The following ERBIN variants were observed in gnomAD, a reference collection of about 807,000 sequenced individuals.
The protein encoded by ERBIN is densin-180-like protein.
ERBIN carries 60 observed loss-of-function variants against 158.4 expected under a neutral mutation model. The ratio of observed to expected loss-of-function variants is 0.38; its 90% CI spans 0.31 to 0.47. The LOEUF (loss-of-function observed/expected upper bound fraction) is 0.47. ERBIN is among the 20% of genes least tolerant of loss of function. The pLI is 0.99. For missense variants in ERBIN, 1,610 were observed against 1,648.0 expected (o/e 0.98, Z 0.40); for synonymous variants, 594 against 557.2 (o/e 1.07, Z -0.93).
chr5:65,980,723 A>G (rs1360771796), intron 1 of ERBIN, among the ~76,000 whole-genome samples: 7 of 143,562 alleles, frequency 4.9e-5, no homozygotes, highest in Non-Finnish European at 8.9e-5. Context: ...TACTAGCGGG[A>G]AAAAAAAAAC....
At chr5:66,028,478 A>G (rs945347377) in intron 14 of ERBIN, 135 bp downstream of exon 14, 39 of 480,830 alleles carry the variant, frequency 8.1e-5, no homozygotes, top group Non-Finnish European at 1.3e-4. Context: ...TATAAGAAAA[A>G]TCTCAAAATA....
At chr5:65,934,197 G>A (rs987969289) in intron 1 of ERBIN, among the ~76,000 whole-genome samples, 2 of 152,110 alleles carry the variant, frequency 1.3e-5, no homozygotes, top group East Asian at 1.9e-4. Context: ...CGCCCAGCCC[G>A]TCACCCCTAA....
intron 1 of ERBIN, among the ~76,000 whole-genome samples, chr5:65,950,227 G>A (rs1488407736): frequency 6.6e-6 from 1 of 151,268 alleles, no homozygotes; most frequent in African/African-American, 2.4e-5. Context: ...GGATGGTCTC[G>A]ATCTCCTGAC....
At chr5:66,050,108 T>C (rs1758866509) in intron 19 of ERBIN, among the ~76,000 whole-genome samples, 1 of 152,092 alleles carries the variant, frequency 6.6e-6, no homozygotes, top group African/African-American at 2.4e-5. Context: ...AGGTTGTAAA[T>C]GAATTTTCAT....
intron 4 of ERBIN, among the ~76,000 whole-genome samples, chr5:66,000,548 A>G (rs1306629499): frequency 6.6e-6 from 1 of 152,164 alleles, no homozygotes; most frequent in Non-Finnish European, 1.5e-5. Context: ...TTATGTGATC[A>G]AAAGATTTAG....
chr5:66,069,723 C>T (rs947332418), intron 21 of ERBIN, among the ~76,000 whole-genome samples: 14 of 152,118 alleles, frequency 9.2e-5, no homozygotes, highest in African/African-American at 2.9e-4. Context: ...TTCCTTCCGC[C>T]CCTCTCCTTC....
chr5:66,029,727 CCCGAGTAGCTGGGA>C (rs1274945340), intron 14 of ERBIN, among the ~76,000 whole-genome samples: 2 of 152,120 alleles, frequency 1.3e-5, no homozygotes, highest in African/African-American at 4.8e-5. Context: ...GCCTCAGCCT[CCCGAGTAGCTGGGA>C]CTACAGGCAT....
At chr5:66,030,281 A>G (rs1235266504) in intron 14 of ERBIN, among the ~76,000 whole-genome samples, 2 of 151,908 alleles carry the variant, frequency 1.3e-5, no homozygotes, top group Non-Finnish European at 2.9e-5. Flanking sequence ...ACCTCAGGTA[A>G]TCCGCCTGCT....
chr5:65,933,830 G>A (rs535390934), intron 1 of ERBIN, among the ~76,000 whole-genome samples: 1 of 152,038 alleles, frequency 6.6e-6, no homozygotes. Flanking sequence ...CTGACATATG[G>A]AAAAGTTTGA....
intron 1 of ERBIN, among the ~76,000 whole-genome samples, chr5:65,930,453 G>A (rs970545925): frequency 1.3e-5 from 2 of 151,784 alleles, no homozygotes; most frequent in African/African-American, 4.8e-5. Flanking sequence ...GACTAGAGGC[G>A]CCCGCCACTG....
intron 5 of ERBIN, among the ~76,000 whole-genome samples, chr5:66,013,147 A>C (rs1365645746): frequency 6.6e-6 from 1 of 152,208 alleles, no homozygotes; most frequent in Non-Finnish European, 1.5e-5. Context: ...ACAAAGAATT[A>C]TTCAGCCCAA....
chr5:65,973,431 A>C (rs1171639285), intron 1 of ERBIN, among the ~76,000 whole-genome samples: 1 of 150,630 alleles, frequency 6.6e-6, no homozygotes, highest in South Asian at 2.1e-4. Context: ...TAAATTAAAA[A>C]AAAGAAATTA....
chr5:65,965,382 G>GTTTTT lies in ERBIN; in HGVS notation c.-57-23216_-57-23212dup, dbSNP rs200847060. On this transcript the variant is annotated intron_variant, in intron 1 of 25. Coordinates refer to ENST00000284037, the MANE Select transcript of ERBIN (RefSeq NM_001253697.2). ...GTTCTTACCAGATTTGTTTTTTGTT[G>GTTTTT]TTTTTTTTTTTTTTTTTTTTTTTTT... Among the ~76,000 whole-genome samples, 92 of 96,030 alleles carry GTTTTT rather than the reference G, an allele frequency of 9.6e-4. 4 individuals carry two copies. The highest frequency in any genetic ancestry group is 1.8e-3 in the East Asian group (5 of 2,810). The allele number at this position is 96,030 out of a possible 152,430, so 63.0% of individuals were successfully genotyped here. A position where few individuals can be genotyped will look rare whatever the true frequency, so the allele number is the denominator to read the frequency against.
intron 14 of ERBIN, among the ~76,000 whole-genome samples, chr5:66,037,280 G>A (rs186056632): frequency 1.3e-5 from 2 of 152,150 alleles, no homozygotes; most frequent in Admixed American, 1.3e-4. Context: ...GTAGATAATA[G>A]GACAGGAGAT....
intron 4 of ERBIN, among the ~76,000 whole-genome samples, chr5:66,009,376 G>A (rs1753961569): frequency 6.6e-6 from 1 of 152,190 alleles, no homozygotes; most frequent in South Asian, 2.1e-4. Context: ...TGAGAGAAAA[G>A]AAGATGGTAG....
At chr5:65,986,271 A>G (rs907634244) in intron 1 of ERBIN, among the ~76,000 whole-genome samples, 5 of 152,234 alleles carry the variant, frequency 3.3e-5, no homozygotes, top group African/African-American at 1.2e-4. Flanking sequence ...AAGTTTTTGA[A>G]TACAAACATC....
chr5:66,048,661 C>T lies in ERBIN; in HGVS notation c.1789-6C>T. The T allele has an allele frequency of 6.3e-7, 1 of 1,584,284 alleles. No individual in the cohort carries two copies. Among genetic ancestry groups the T allele is most frequent in the East Asian group, 2.3e-5 (1 of 44,322 alleles). On this transcript the variant is annotated splice_region_variant and splice_polypyrimidine_tract_variant and intron_variant, in intron 18 of 25. Coordinates refer to ENST00000284037, the MANE Select transcript of ERBIN (RefSeq NM_001253697.2). ...ATTTTTATCCCCCTCACCCCCTTTT[C>T]ACTAGGAATCTGAAGAACTTTCTTC...
intron 14 of ERBIN, among the ~76,000 whole-genome samples, chr5:66,030,838 C>T (rs7712758): frequency 0.06 from 9,103 of 151,942 alleles, 968 homozygotes; most frequent in African/African-American, 0.21. Context: ...CCCACAGTGC[C>T]GGGACTACAG....
intron 5 of ERBIN, 111 bp from the exon 6 acceptor site, chr5:66,013,438 A>G: frequency 1.2e-6 from 1 of 805,324 alleles, no homozygotes; most frequent in Non-Finnish European, 2.1e-6. Context: ...CACTCATAAC[A>G]GAAGCGACTG....
Sources: allele counts gnomAD v4.1 joint callset (sites outside exome capture counted in the v4.1 genomes callset), GRCh38; gene constraint gnomAD v4.1.1; transcripts MANE v1.5; gene names NCBI Gene and HGNC (gene_info 2026-07-23, HGNC 2026-07-21).